The following TRAK2 variants were observed in gnomAD, a reference collection of about 807,000 sequenced individuals.
The protein encoded by TRAK2 is trafficking kinesin-binding protein 2.
TRAK2 carries 81 observed loss-of-function variants against 104.6 expected under a neutral mutation model. The ratio of observed to expected loss-of-function variants is 0.77; its 90% CI spans 0.65 to 0.93. TRAK2 has a LOEUF of 0.93. Ranked by LOEUF, TRAK2 falls within the 40% of genes least tolerant of loss-of-function variation. The probability of loss-of-function intolerance (pLI) is 0.00; values close to 1 mark genes in which losing one functional copy is unlikely to be tolerated. For missense variants in TRAK2, 1,002 were observed against 1,089.0 expected (o/e 0.92, Z 1.12); for synonymous variants, 406 against 394.4 (o/e 1.03, Z -0.35).
At chr2:201,388,140 A>G (rs1951409774) in intron 12 of TRAK2, 139 bp from the exon 13 acceptor site, 1 of 886,882 alleles carries the variant, frequency 1.1e-6, no homozygotes, top group South Asian at 1.4e-5. Context: ...ATATAGAAGT[A>G]ATAACAACAA....
In TRAK2 at chr2:201,407,503, A is replaced by G. The variant is rs769364091; in HGVS notation, c.186T>C (p.Phe62=). The G allele has an allele frequency of 8.1e-6, 13 of 1,613,998 alleles. No individual in the cohort carries two copies. Among genetic ancestry groups the G allele is most frequent in the Non-Finnish European group, 1.1e-5 (13 of 1,179,992 alleles). Residue 62 remains phenylalanine (F), a synonymous_variant, in exon 3 of 16, where the codon TTT becomes TTC. Transcript: ENST00000332624. ...GAGTCCAGTCTTGATTTTCATATAG[A>G]AAGAGAGTGTCTACTTTTAGCCTAT... ...PQYRLKVDTL[F]LYENQDWTQS...
At chr2:201,385,945 A>G (rs749449792) in intron 14 of TRAK2, among the ~76,000 whole-genome samples, 1 of 152,214 alleles carries the variant, frequency 6.6e-6, no homozygotes, top group Non-Finnish European at 1.5e-5. Flanking sequence ...GGAATTCTCA[A>G]TGATTTTTTA....
intron 7 of TRAK2, among the ~76,000 whole-genome samples, chr2:201,395,824 T>C (rs1040660165): frequency 6.6e-6 from 1 of 152,198 alleles, no homozygotes; most frequent in African/African-American, 2.4e-5. Flanking sequence ...TTGAGAACTC[T>C]TTAGGGACAT....
rs574998735 is a variant in TRAK2, at chr2:201,380,387, C to T, written c.*156G>A. The T allele has an allele frequency of 7.7e-6, 6 of 778,460 alleles. No homozygotes were observed. The Admixed American group carries it at 1.7e-4, about 22-fold the overall frequency. 48.2% of individuals were successfully genotyped at this position (778,460 alleles called of 1,614,324 possible). On this transcript the variant is annotated 3_prime_UTR_variant, in exon 16 of 16. Transcript: ENST00000332624. ...TTGCCCGACTTCCTCCATTAGGGCT[C>T]ATCCCAATTTTATTTCCATTCCTCC...
Position 201,389,420 on chromosome 2 carries a change from G to A in TRAK2, c.1277C>T (p.Pro426Leu). Reference protein sequence around the residue: ...GRSISFPALLPIPGSNRSSVI... With the variant: ...GRSISFPALLLIPGSNRSSVI... Reference sequence around the variant, plus strand: ...ACTTGAACGGTTGGAGCCTGGAATGGGTAACAGAGCTGGGAATGAGATAGA... The same window carrying A: ...ACTTGAACGGTTGGAGCCTGGAATGAGTAACAGAGCTGGGAATGAGATAGA... Residue 426 changes from proline (P) to leucine (L), a missense_variant, in exon 12 of 16, where the codon CCC (proline) becomes CTC (leucine). Physicochemically the swap from Pro to Leu is moderately conservative, Grantham distance 98 (BLOSUM62 -3). Transcript: ENST00000332624. The A allele has an allele frequency of 6.2e-7, 1 of 1,614,114 alleles. No individual in the cohort carries two copies. The highest frequency in any genetic ancestry group is 8.5e-7 in the Non-Finnish European group (1 of 1,180,006).
intron 3 of TRAK2, among the ~76,000 whole-genome samples, chr2:201,405,545 A>G (rs1024786083): frequency 6.6e-6 from 1 of 152,198 alleles, no homozygotes; most frequent in Non-Finnish European, 1.5e-5. Flanking sequence ...TAGGGGGCCC[A>G]AGAATGTGAA....
intron 2 of TRAK2, chr2:201,410,807 G>A (rs1233036512): frequency 6.2e-7 from 1 of 1,606,594 alleles, no homozygotes; most frequent in African/African-American, 1.3e-5. Context: ...GGGCCAAAGA[G>A]ATTATTAAGG....
chr2:201,391,805 A>C (rs1011010150), intron 10 of TRAK2, among the ~76,000 whole-genome samples: 20 of 152,230 alleles, frequency 1.3e-4, no homozygotes, highest in African/African-American at 4.6e-4. Flanking sequence ...AATCATGAGG[A>C]TGCATCAGAC....
At chr2:201,432,623 T>TA (rs1288183861) in intron 1 of TRAK2, among the ~76,000 whole-genome samples, 1 of 152,212 alleles carries the variant, frequency 6.6e-6, no homozygotes, top group African/African-American at 2.4e-5. Flanking sequence ...GCTAATGACT[T>TA]AGATAGTTTA....
chr2:201,429,491 AG>A (rs1416218540), intron 1 of TRAK2, among the ~76,000 whole-genome samples: 3 of 152,196 alleles, frequency 2.0e-5, no homozygotes, highest in African/African-American at 4.8e-5. Context: ...CGTCACTTTC[AG>A]GTACACCAAT....
intron 1 of TRAK2, among the ~76,000 whole-genome samples, chr2:201,434,165 G>A (rs761994789): frequency 9.2e-5 from 14 of 152,000 alleles, no homozygotes; most frequent in Non-Finnish European, 2.9e-5. Context: ...CACCGTGTTA[G>A]CCAGGATGGT....
intron 1 of TRAK2, among the ~76,000 whole-genome samples, chr2:201,429,959 A>G (rs531669210): frequency 2.9e-4 from 44 of 152,178 alleles, no homozygotes; most frequent in East Asian, 9.7e-4. Flanking sequence ...GTTTCTCCCT[A>G]TCTTTGCGGT....
At chr2:201,398,077 C>T (rs1223556094) in intron 6 of TRAK2, 68 bp downstream of exon 6, 2 of 1,449,818 alleles carry the variant, frequency 1.4e-6, no homozygotes, top group South Asian at 1.2e-5. Flanking sequence ...TATTTCACCT[C>T]AATAGTACCT....
chr2:201,419,169 C>T (rs564491305), intron 2 of TRAK2: 1 of 152,376 alleles, frequency 6.6e-6, no homozygotes, highest in African/African-American at 2.4e-5. Flanking sequence ...GATACCAGTA[C>T]ACACCTACTA....
intron 7 of TRAK2, among the ~76,000 whole-genome samples, chr2:201,396,453 G>A (rs994009880): frequency 5.0e-4 from 76 of 152,046 alleles, no homozygotes; most frequent in African/African-American, 1.8e-3. Flanking sequence ...CTTATCTGTC[G>A]GGAATACATT....
intron 1 of TRAK2, among the ~76,000 whole-genome samples, chr2:201,442,369 C>T (rs1236624765): frequency 1.4e-5 from 2 of 145,302 alleles, no homozygotes; most frequent in African/African-American, 2.5e-5. Flanking sequence ...CCAGCCTGGG[C>T]GACAGCAAGA....
chr2:201,401,095 C>A lies in TRAK2; in HGVS notation c.287-1G>T, dbSNP rs749709794. The A allele has an allele frequency of 6.3e-7, 1 of 1,595,886 alleles. No homozygotes were observed. The highest frequency in any genetic ancestry group is 1.1e-5 in the South Asian group (1 of 87,638). On this transcript the variant is annotated splice_acceptor_variant, in intron 3 of 15. Coordinates refer to ENST00000332624, the MANE Select transcript of TRAK2 (RefSeq NM_015049.3). LOFTEE classifies it high-confidence loss of function. ...TGCTCCACCCTGTCTGTGCCTAGAA[C>A]TAATATAGTTAAAAACAACTATTTA...
intron 2 of TRAK2, chr2:201,411,943 A>G: frequency 1.0e-6 from 1 of 980,682 alleles, no homozygotes; most frequent in Non-Finnish European, 1.7e-6. Flanking sequence ...ATTGAATGGA[A>G]GGAGCTTCTA....
Position 201,386,431 on chromosome 2 carries a change from TG to T in TRAK2, c.1749del (p.Ile584SerfsTer27). Reference sequence around the variant, plus strand: ...ATGACACCTGGTCGTGGATCAAGGATGGTTCCCAAGTTTGGTTGAGCAAGCT... The same window carrying T: ...ATGACACCTGGTCGTGGATCAAGGATGTTCCCAAGTTTGGTTGAGCAAGCT... The part of the protein sequence containing the change: ...WQQLAQPNLG[T>X]ILDPRPGVIT... On this transcript the variant is annotated frameshift_variant, in exon 14 of 16. Coordinates refer to ENST00000332624, the MANE Select transcript of TRAK2 (RefSeq NM_015049.3). LOFTEE classifies it high-confidence loss of function. 1 of 1,614,164 alleles carries T rather than the reference TG, an allele frequency of 6.2e-7. No homozygotes were observed. The highest frequency in any genetic ancestry group is 1.1e-5 in the South Asian group (1 of 91,084).
Sources: allele counts gnomAD v4.1 joint callset (sites outside exome capture counted in the v4.1 genomes callset), GRCh38; gene constraint gnomAD v4.1.1; transcripts MANE v1.5; gene names NCBI Gene and HGNC (gene_info 2026-07-23, HGNC 2026-07-21).